The following HSDL2 variants were observed in gnomAD, a reference collection of about 807,000 sequenced individuals.
HSDL2 encodes hydroxysteroid dehydrogenase like 2.
A neutral mutation model predicts 46.3 loss-of-function variants in HSDL2; 27 were observed. That is an observed-to-expected ratio of 0.58 (90% CI 0.43 to 0.80). The LOEUF is 0.80. Ranked by LOEUF, HSDL2 falls within the 30% of genes least tolerant of loss-of-function variation. The pLI, the probability that HSDL2 is intolerant of heterozygous loss-of-function variation, is 0.00. For missense variants in HSDL2, 451 were observed against 502.7 expected (o/e 0.90, Z 0.98); for synonymous variants, 153 against 163.6 (o/e 0.94, Z 0.50).
intron 6 of HSDL2, among the ~76,000 whole-genome samples, chr9:112,437,647 G>C (rs1832556757): frequency 1.3e-5 from 2 of 152,044 alleles, no homozygotes; most frequent in Admixed American, 1.3e-4. Flanking sequence ...GTCATCACAG[G>C]CAATGCTGAT....
intron 1 of HSDL2, among the ~76,000 whole-genome samples, chr9:112,383,136 C>T (rs577587173): frequency 1.3e-5 from 2 of 151,966 alleles, no homozygotes; most frequent in South Asian, 4.2e-4. Context: ...TGCAGTGGTG[C>T]GATCTCGTTT....
intron 6 of HSDL2, among the ~76,000 whole-genome samples, chr9:112,422,017 G>T (rs1234222475): frequency 6.6e-6 from 1 of 152,218 alleles, no homozygotes; most frequent in Non-Finnish European, 1.5e-5. Context: ...GAGATCTGAG[G>T]ATTCAACAGG....
intron 10 of HSDL2, among the ~76,000 whole-genome samples, chr9:112,462,599 GATGTGTGTGT>G (rs1833244268): frequency 1.8e-5 from 2 of 109,382 alleles, no homozygotes; most frequent in African/African-American, 7.6e-5. Context: ...TGAGGAGGGG[GATGTGTGTGT>G]GTGTGTGTGT....
intron 4 of HSDL2, among the ~76,000 whole-genome samples, chr9:112,414,875 C>T (rs531805981): frequency 6.6e-6 from 1 of 151,652 alleles, no homozygotes; most frequent in South Asian, 2.1e-4. Context: ...TTTTTAACAC[C>T]AGTATTGTAC....
chr9:112,470,526 G>A lies in HSDL2; in HGVS notation c.1239G>A (p.Gln413=). Residue 413 remains glutamine, a synonymous_variant, in exon 11 of 11, where the codon CAG becomes CAA. Coordinates refer to ENST00000398805, the MANE Select transcript of HSDL2 (RefSeq NM_032303.5). ...LAIKLEKLMN[Q]MNARL is the part of the protein sequence containing the mutation. ...TCAAATTGGAGAAGCTAATGAATCA[G>A]ATGAATGCCAGACTGTGAAGGAAAA... The A allele has an allele frequency of 6.3e-7, 1 of 1,598,716 alleles. No homozygotes were observed. The highest frequency in any genetic ancestry group is 8.6e-7 in the Non-Finnish European group (1 of 1,167,570).
intron 1 of HSDL2, among the ~76,000 whole-genome samples, chr9:112,403,249 A>G (rs1012607896): frequency 2.6e-5 from 4 of 152,148 alleles, no homozygotes; most frequent in Non-Finnish European, 4.4e-5. Context: ...TCAGCCTCCA[A>G]TCCCTCCCAC....
intron 6 of HSDL2, among the ~76,000 whole-genome samples, chr9:112,436,440 A>G (rs1453012281): frequency 2.0e-5 from 3 of 151,970 alleles, no homozygotes; most frequent in African/African-American, 7.3e-5. Flanking sequence ...TATCTAGAAT[A>G]GCGCCTGACT....
intron 6 of HSDL2, among the ~76,000 whole-genome samples, chr9:112,436,707 AAT>A (rs1265601486): frequency 6.6e-6 from 1 of 152,102 alleles, no homozygotes; most frequent in East Asian, 1.9e-4. Context: ...TAAATAAATA[AAT>A]AGACTTTTCT....
chr9:112,402,948 GAAA>G (rs201258984), intron 1 of HSDL2, among the ~76,000 whole-genome samples: 1 of 144,928 alleles, frequency 6.9e-6, no homozygotes, highest in Non-Finnish European at 1.5e-5. Flanking sequence ...TGTCTCAAAA[GAAA>G]AAAAAACACA....
At chr9:112,441,010 A>AAAAT (rs913720274) in intron 7 of HSDL2, among the ~76,000 whole-genome samples, 1 of 151,448 alleles carries the variant, frequency 6.6e-6, no homozygotes, top group African/African-American at 2.4e-5. Context: ...TCCGTCTCAA[A>AAAAT]AAATAAATAA....
At chr9:112,380,387 A>C (rs188587605) in intron 1 of HSDL2, among the ~76,000 whole-genome samples, 27 of 152,162 alleles carry the variant, frequency 1.8e-4, no homozygotes, top group African/African-American at 6.3e-4. Flanking sequence ...CTTTTGTATT[A>C]CAGGATGGCA....
chr9:112,463,362 C>A (rs1353966294), intron 10 of HSDL2, among the ~76,000 whole-genome samples: 1 of 151,588 alleles, frequency 6.6e-6, no homozygotes, highest in Admixed American at 6.6e-5. Context: ...CCTACCTCAG[C>A]TTTCCAAAGT....
chr9:112,425,329 G>A (rs1832221430), intron 6 of HSDL2, among the ~76,000 whole-genome samples: 1 of 152,138 alleles, frequency 6.6e-6, no homozygotes, highest in Non-Finnish European at 1.5e-5. Context: ...CTCCATGTAA[G>A]TTTTTAAATG....
At chr9:112,426,452 TCTCAAACTCCTGA>T (rs1281603055) in intron 6 of HSDL2, among the ~76,000 whole-genome samples, 1 of 152,178 alleles carries the variant, frequency 6.6e-6, no homozygotes, top group Admixed American at 6.5e-5. Context: ...GCCAGGCTAG[TCTCAAACTCCTGA>T]CCTCAGGTGA....
At chr9:112,438,378 T>G in intron 6 of HSDL2, 53 bp from the exon 7 acceptor site, 1 of 1,165,356 alleles carries the variant, frequency 8.6e-7, no homozygotes, top group Non-Finnish European at 1.1e-6. Context: ...TTCCATAGTT[T>G]TATTATTTGA....
intron 8 of HSDL2, among the ~76,000 whole-genome samples, chr9:112,452,774 G>A (rs1832918021): frequency 6.6e-6 from 1 of 152,000 alleles, no homozygotes; most frequent in Admixed American, 6.6e-5. Context: ...AGACAGTATT[G>A]GGGGGCAGCA....
intron 8 of HSDL2, among the ~76,000 whole-genome samples, chr9:112,442,606 T>C (rs991071449): frequency 2.6e-5 from 4 of 152,198 alleles, no homozygotes; most frequent in Admixed American, 6.5e-5. Context: ...TTCTGACATT[T>C]TGCCAGTGGC....
chr9:112,427,627 A>G (rs1832281214), intron 6 of HSDL2, among the ~76,000 whole-genome samples: 1 of 152,206 alleles, frequency 6.6e-6, no homozygotes, highest in South Asian at 2.1e-4. Context: ...TTTTTAATCT[A>G]AAGCAGTTAC....
chr9:112,399,468 CAG>C (rs1419381597), intron 1 of HSDL2, among the ~76,000 whole-genome samples: 3 of 152,124 alleles, frequency 2.0e-5, no homozygotes, highest in African/African-American at 7.2e-5. Context: ...CAACAGAAAA[CAG>C]GGTTCGAGAG....
Sources: gnomAD v4.1 joint callset for allele counts (sites outside exome capture counted in the v4.1 genomes callset) on GRCh38, gnomAD v4.1.1 for gene constraint, MANE v1.5 for transcripts, NCBI Gene and HGNC (gene_info 2026-07-23, HGNC 2026-07-21) for gene names.